Variants in SNX24 observed in about 807,000 individuals in gnomAD.
The protein encoded by SNX24 is sorting nexin-24.
A neutral mutation model predicts 28.7 loss-of-function variants in SNX24; 22 were observed. That is an observed-to-expected ratio of 0.77 (90% CI 0.55 to 1.10). The LOEUF is 1.10. Among genes scored for constraint, SNX24 ranks in the 50% least tolerant of loss-of-function variants. SNX24 has a pLI of 0.00. For synonymous variants in SNX24, 69 were observed against 71.5 expected, an observed-to-expected ratio of 0.96 and a Z score of 0.18; for missense variants, 221 against 201.1, an observed-to-expected ratio of 1.10 and a Z score of -0.60.
chr5:122,981,734 G>A (rs1042684599), intron 3 of SNX24, among the ~76,000 whole-genome samples: 2 of 152,234 alleles, frequency 1.3e-5, no homozygotes, highest in African/African-American at 4.8e-5. Flanking sequence ...CTGGAGTGCA[G>A]TGGCACGATC....
At chr5:122,964,536 A>T (rs1238273494) in intron 3 of SNX24, among the ~76,000 whole-genome samples, 1 of 152,086 alleles carries the variant, frequency 6.6e-6, no homozygotes, top group Non-Finnish European at 1.5e-5. Flanking sequence ...ATATTATATC[A>T]TCTATAATGC....
chr5:122,953,452 T>A (rs1760055608), intron 3 of SNX24, among the ~76,000 whole-genome samples: 1 of 151,818 alleles, frequency 6.6e-6, no homozygotes, highest in Non-Finnish European at 1.5e-5. Context: ...GAACAAAGAA[T>A]GACAGAATCC....
At chr5:122,928,073 T>C (rs1758779100) in intron 1 of SNX24, among the ~76,000 whole-genome samples, 1 of 152,196 alleles carries the variant, frequency 6.6e-6, no homozygotes, top group Non-Finnish European at 1.5e-5. Flanking sequence ...CCACATGCAG[T>C]CATCAGCTTA....
intron 1 of SNX24, among the ~76,000 whole-genome samples, chr5:122,910,567 A>G (rs1374811433): frequency 6.7e-6 from 1 of 149,592 alleles, no homozygotes; most frequent in East Asian, 2.0e-4. Flanking sequence ...TGCTGCACCC[A>G]TTAACTCGTC....
intron 1 of SNX24, among the ~76,000 whole-genome samples, chr5:122,857,578 A>C (rs1755255919): frequency 6.6e-6 from 1 of 152,006 alleles, no homozygotes; most frequent in African/African-American, 2.4e-5. Flanking sequence ...ACCCTCCAGT[A>C]GGCCCCAGTG....
At chr5:123,015,139 G>A (rs951086162) in intron 5 of SNX24, among the ~76,000 whole-genome samples, 1 of 152,170 alleles carries the variant, frequency 6.6e-6, no homozygotes, top group Non-Finnish European at 1.5e-5. Flanking sequence ...TCAGAGCAGG[G>A]GTAGCGTCTG....
chr5:122,884,748 C>G (rs968564021), intron 1 of SNX24, among the ~76,000 whole-genome samples: 2 of 151,822 alleles, frequency 1.3e-5, no homozygotes, highest in African/African-American at 4.8e-5. Context: ...TAATAGGTGT[C>G]GAGGAGTGGG....
At chr5:122,886,770 C>T (rs1326559150) in intron 1 of SNX24, among the ~76,000 whole-genome samples, 3 of 151,696 alleles carry the variant, frequency 2.0e-5, no homozygotes, top group African/African-American at 7.3e-5. Context: ...GCGGAGGTTG[C>T]AGTGAGCCAA....
chr5:122,872,827 TG>T (rs1756042682), intron 1 of SNX24, among the ~76,000 whole-genome samples: 1 of 150,070 alleles, frequency 6.7e-6, no homozygotes, highest in South Asian at 2.2e-4. Context: ...GGCGGTGGAA[TG>T]GGGCCAGTTC....
rs199560547 is a variant in SNX24, at chr5:122,854,665, A to AT, written c.60+8975dup. ...AAACAGTGGTATACTAAAACATTTTATTTCAACTTGCTTTTTTTACTTAAT... is the reference window on the plus strand; with the variant it reads ...AAACAGTGGTATACTAAAACATTTTATTTTCAACTTGCTTTTTTTACTTAAT... On this transcript the variant is annotated intron_variant, in intron 1 of 6. Transcript: ENST00000261369. 5.8e-3 allele frequency among the ~76,000 whole-genome samples: 882 copies of AT among 152,162 alleles called. 12 individuals are homozygous for AT. The highest frequency in any genetic ancestry group is 0.02 in the African/African-American group (824 of 41,512).
intron 3 of SNX24, among the ~76,000 whole-genome samples, chr5:122,997,489 G>A (rs1053349892): frequency 1.3e-5 from 2 of 152,194 alleles, no homozygotes; most frequent in African/African-American, 4.8e-5. Context: ...CTGTGTTGCA[G>A]TGTAAATAGC....
At chr5:122,939,785 T>G (rs1342180118) in intron 2 of SNX24, among the ~76,000 whole-genome samples, 2 of 152,194 alleles carry the variant, frequency 1.3e-5, no homozygotes, top group African/African-American at 4.8e-5. Flanking sequence ...AGATGATTAA[T>G]GCCTGTTGAA....
chr5:123,023,350 A>G (rs1762790858), intron 5 of SNX24: 1 of 152,264 alleles, frequency 6.6e-6, no homozygotes, highest in African/African-American at 2.4e-5. Context: ...TTCTTAAAGA[A>G]CTTTACATTT....
intron 1 of SNX24, among the ~76,000 whole-genome samples, chr5:122,855,140 T>G (rs1755125180): frequency 6.6e-6 from 1 of 151,998 alleles, no homozygotes; most frequent in Admixed American, 6.6e-5. Flanking sequence ...GGTGCAATCT[T>G]GGCTCACCAC....
intron 3 of SNX24, among the ~76,000 whole-genome samples, chr5:122,975,532 A>C (rs1761130567): frequency 6.6e-6 from 1 of 152,148 alleles, no homozygotes; most frequent in South Asian, 2.1e-4. Context: ...GCGGCATAAA[A>C]ATTTTTAAAT....
chr5:122,973,481 A>C (rs1463123656), intron 3 of SNX24, among the ~76,000 whole-genome samples: 2 of 152,120 alleles, frequency 1.3e-5, no homozygotes, highest in African/African-American at 4.8e-5. Context: ...CATCTCTTCC[A>C]CTGATCATAG....
chr5:122,993,834 T>C (rs188789619), intron 3 of SNX24, among the ~76,000 whole-genome samples: 64 of 152,320 alleles, frequency 4.2e-4, no homozygotes, highest in Non-Finnish European at 5.9e-5. Flanking sequence ...AGATATGGTA[T>C]GAAGCATCTT....
At chr5:122,981,103 A>G (rs1335513637) in intron 3 of SNX24, among the ~76,000 whole-genome samples, 1 of 152,244 alleles carries the variant, frequency 6.6e-6, no homozygotes, top group Admixed American at 6.5e-5. Flanking sequence ...CAAAATTATT[A>G]AGGTTAGAAC....
chr5:122,917,271 GA>G (rs939456669), intron 1 of SNX24, among the ~76,000 whole-genome samples: 118 of 147,888 alleles, frequency 8.0e-4, no homozygotes, highest in African/African-American at 2.9e-3. Context: ...AAAAAAAAAA[GA>G]AAGAAAAAAA....
Sources: allele counts gnomAD v4.1 joint callset (sites outside exome capture counted in the v4.1 genomes callset), GRCh38; gene constraint gnomAD v4.1.1; transcripts MANE v1.5; gene names NCBI Gene and HGNC (gene_info 2026-07-23, HGNC 2026-07-21).